ABI2: variants seen among roughly 807,000 people sequenced by gnomAD.
The protein encoded by ABI2 is abl interactor 2, also known as abelson interactor 2.
ABI2 carries 25 observed loss-of-function variants against 59.2 expected under a neutral mutation model. The ratio of observed to expected loss-of-function variants is 0.42; its 90% CI spans 0.31 to 0.59. ABI2 has a LOEUF of 0.59. Ranked by LOEUF, ABI2 falls within the 20% of genes least tolerant of loss-of-function variation. The pLI, the probability that ABI2 is intolerant of heterozygous loss-of-function variation, is 0.14. For synonymous variants in ABI2, 213 were observed against 235.5 expected (o/e 0.90, Z 0.87); for missense variants, 545 against 681.8 (o/e 0.80, Z 2.23).
chr2:203,353,763 G>A (rs2090319984), intron 1 of ABI2, among the ~76,000 whole-genome samples: 1 of 152,152 alleles, frequency 6.6e-6, no homozygotes, highest in African/African-American at 2.4e-5. Context: ...GTTCCAAAGT[G>A]TTGGGATTAC....
chr2:203,424,503 T>C (rs540589363), intron 11 of ABI2, among the ~76,000 whole-genome samples: 1 of 152,290 alleles, frequency 6.6e-6, no homozygotes, highest in Admixed American at 6.5e-5. Flanking sequence ...CAAGCGATCC[T>C]CCTGCTTCAG....
At chr2:203,330,049 G>A (rs537666426) in intron 1 of ABI2, among the ~76,000 whole-genome samples, 1 of 152,142 alleles carries the variant, frequency 6.6e-6, no homozygotes, top group South Asian at 2.1e-4. Context: ...AGCTATATAG[G>A]AAAGCATTTT....
chr2:203,402,443 A>G (rs1559341735), intron 8 of ABI2, 133 bp from the exon 9 acceptor site: 2 of 612,986 alleles, frequency 3.3e-6, no homozygotes, highest in South Asian at 1.4e-4. Flanking sequence ...CTCACCTTGC[A>G]TTGTATATTT....
At chr2:203,334,589 T>C (rs2152372318) in intron 1 of ABI2, among the ~76,000 whole-genome samples, 1 of 152,026 alleles carries the variant, frequency 6.6e-6, no homozygotes, top group Admixed American at 6.6e-5. Context: ...AAAAAAACAA[T>C]AGAGAAGACA....
At chr2:203,390,190 A>T (rs2096686369) in intron 4 of ABI2, among the ~76,000 whole-genome samples, 1 of 152,248 alleles carries the variant, frequency 6.6e-6, no homozygotes, top group Non-Finnish European at 1.5e-5. Context: ...AATCTGACTT[A>T]TAAGGCTGGC....
rs1157313450 is a variant in ABI2 at position 203,431,516 on chromosome 2, T to C, written c.*4164T>C. On this transcript the variant is annotated 3_prime_UTR_variant, in exon 12 of 12. Coordinates refer to ENST00000261018, the MANE Select transcript of ABI2 (RefSeq NM_001375670.1). Reference sequence around the variant, plus strand: ...CTAAAACTACACTCAGTATAAACACTTTCCCATAAGGTGTGTGCAGTAAAA... The same window carrying C: ...CTAAAACTACACTCAGTATAAACACCTTCCCATAAGGTGTGTGCAGTAAAA... 6.6e-6 allele frequency: 1 copy of C among 152,544 alleles called. No individual in the cohort carries two copies. Among genetic ancestry groups the C allele is most frequent in the African/African-American group, 2.4e-5 (1 of 41,442 alleles). 9.4% of individuals were successfully genotyped at this position (152,544 alleles called of 1,614,324 possible).
intron 1 of ABI2, among the ~76,000 whole-genome samples, chr2:203,341,038 GTACTC>G (rs1391635936): frequency 6.6e-6 from 1 of 152,132 alleles, no homozygotes; most frequent in Non-Finnish European, 1.5e-5. Context: ...TCTGCCAGGA[GTACTC>G]TACTCCAAGA....
chr2:203,393,713 C>G (rs935413058), intron 5 of ABI2, among the ~76,000 whole-genome samples: 1 of 152,112 alleles, frequency 6.6e-6, no homozygotes, highest in South Asian at 2.1e-4. Flanking sequence ...GTCAGTAGAG[C>G]AACATCATTT....
At chr2:203,346,971 T>C (rs1312125339) in intron 1 of ABI2, among the ~76,000 whole-genome samples, 2 of 152,252 alleles carry the variant, frequency 1.3e-5, no homozygotes, top group Non-Finnish European at 2.9e-5. Context: ...TCTTATCTTA[T>C]AAACTTGAAT....
intron 8 of ABI2, among the ~76,000 whole-genome samples, chr2:203,398,539 G>GTTTTTC (rs1255771487): frequency 6.6e-6 from 1 of 152,094 alleles, no homozygotes; most frequent in Non-Finnish European, 1.5e-5. Context: ...CCAAGCAATT[G>GTTTTTC]TTTTTCTTTT....
chr2:203,369,297 C>G (rs2094876820), intron 2 of ABI2, among the ~76,000 whole-genome samples: 1 of 151,896 alleles, frequency 6.6e-6, no homozygotes, highest in Non-Finnish European at 1.5e-5. Flanking sequence ...AGAAGAGAAA[C>G]TAGTATATTT....
Position 203,380,261 on chromosome 2 carries a change from T to C in ABI2, c.339T>C (p.Thr113=). Residue 113 remains threonine, a synonymous_variant, in exon 3 of 12, where the codon ACT becomes ACC. Coordinates refer to ENST00000261018, the MANE Select transcript of ABI2 (RefSeq NM_001375670.1). ...KVARREIGIL[T]TNKNTSRTHK... ...CAAGAAGAGAAATTGGTATTTTGAC[T>C]ACCAATAAAAACACTTCAAGGACAC... is the stretch of plus-strand genomic sequence containing the variant. 1 of 1,599,408 alleles carries C rather than the reference T, an allele frequency of 6.3e-7. No individual in the cohort carries two copies. Among genetic ancestry groups the C allele is most frequent in the South Asian group, 1.1e-5 (1 of 87,062 alleles).
intron 11 of ABI2, among the ~76,000 whole-genome samples, chr2:203,425,275 G>A (rs2098393967): frequency 1.3e-5 from 2 of 151,942 alleles, no homozygotes; most frequent in South Asian, 4.2e-4. Context: ...CAAGGCTGGA[G>A]GGAAGTGTTG....
At chr2:203,391,192 A>G in intron 5 of ABI2, 49 bp downstream of exon 5, 1 of 1,246,624 alleles carries the variant, frequency 8.0e-7, no homozygotes, top group Non-Finnish European at 1.1e-6. Context: ...GTATTGTTTA[A>G]AAATGAAGCA....
rs201209202 is a variant in ABI2 at position 203,331,348 on chromosome 2, C to CTTTTT, written c.117+2733_117+2737dup. Among the ~76,000 whole-genome samples, 201 of 85,298 alleles carry CTTTTT rather than the reference C, an allele frequency of 2.4e-3. 36 individuals carry two copies. Among genetic ancestry groups the CTTTTT allele is most frequent in the Middle Eastern group, 0.014 (1 of 70 alleles). 56.0% of individuals were successfully genotyped at this position (85,298 alleles called of 152,430 possible). ...TCAGTGATCAAATGGTCAATTTAGCCTTTTTTTTTTTTTTTTTTTTCTGAG... is the reference window on the plus strand; with the variant it reads ...TCAGTGATCAAATGGTCAATTTAGCCTTTTTTTTTTTTTTTTTTTTTTTTTCTGAG... On this transcript the variant is annotated intron_variant, in intron 1 of 11. Transcript: ENST00000261018.
At chr2:203,426,289 G>GTACCT (rs2098423186) in intron 11 of ABI2, among the ~76,000 whole-genome samples, 1 of 152,168 alleles carries the variant, frequency 6.6e-6, no homozygotes. Context: ...AGGTACAGAA[G>GTACCT]ATGAAGAGGT....
At chr2:203,347,067 C>G (rs1317958895) in intron 1 of ABI2, among the ~76,000 whole-genome samples, 1 of 152,124 alleles carries the variant, frequency 6.6e-6, no homozygotes, top group East Asian at 1.9e-4. Context: ...TGAAACTAAG[C>G]TATTAAATTA....
intron 10 of ABI2, among the ~76,000 whole-genome samples, chr2:203,414,530 G>C (rs1198136387): frequency 6.6e-6 from 1 of 152,186 alleles, no homozygotes; most frequent in African/African-American, 2.4e-5. Context: ...CATAACAAGT[G>C]TGGTTTATGC....
At chr2:203,329,998 A>G (rs955636595) in intron 1 of ABI2, among the ~76,000 whole-genome samples, 2 of 152,146 alleles carry the variant, frequency 1.3e-5, no homozygotes, top group Non-Finnish European at 2.9e-5. Context: ...CGGCCTCCCA[A>G]AGTGCTGGGA....
Sources: gnomAD v4.1 joint callset for allele counts (sites outside exome capture counted in the v4.1 genomes callset) on GRCh38, gnomAD v4.1.1 for gene constraint, MANE v1.5 for transcripts, NCBI Gene and HGNC (gene_info 2026-07-23, HGNC 2026-07-21) for gene names.